Variants in TFAP2D observed in about 807,000 individuals in gnomAD.
TFAP2D encodes the protein transcription factor AP-2 delta, also known as transcription factor AP-2-delta.
Under a neutral mutation model 43.6 loss-of-function variants are expected in TFAP2D, and 9 were observed. That is an observed-to-expected ratio of 0.21 (90% CI 0.12 to 0.36). TFAP2D has a LOEUF of 0.36. Ranked by LOEUF, TFAP2D falls within the 10% of genes least tolerant of loss-of-function variation. TFAP2D has a pLI of 1.00. For synonymous variants in TFAP2D, 256 were observed against 224.9 expected, an observed-to-expected ratio of 1.14 and a Z score of -1.24; for missense variants, 513 against 561.4, an observed-to-expected ratio of 0.91 and a Z score of 0.87.
At chr6:50,754,446 G>T (rs1270011850) in intron 7 of TFAP2D, among the ~76,000 whole-genome samples, 2 of 151,796 alleles carry the variant, frequency 1.3e-5, no homozygotes, top group African/African-American at 4.8e-5. Flanking sequence ...TGACTATCAT[G>T]ACTAGTGCTG....
At chr6:50,758,592 T>C (rs2113890741) in intron 7 of TFAP2D, among the ~76,000 whole-genome samples, 2 of 152,206 alleles carry the variant, frequency 1.3e-5, no homozygotes, top group East Asian at 3.9e-4. Flanking sequence ...TTCTGATTGC[T>C]CTATTCTTGG....
At chr6:50,736,008 A>G (rs1318540999) in intron 5 of TFAP2D, among the ~76,000 whole-genome samples, 1 of 152,130 alleles carries the variant, frequency 6.6e-6, no homozygotes, top group Non-Finnish European at 1.5e-5. Context: ...CATTGCTCTT[A>G]CACAGGTACC....
At chr6:50,739,700 T>C (rs1035818552) in intron 5 of TFAP2D, among the ~76,000 whole-genome samples, 1 of 152,176 alleles carries the variant, frequency 6.6e-6, no homozygotes, top group East Asian at 1.9e-4. Flanking sequence ...CTCTAGTTCT[T>C]CCCTATATTC....
chr6:50,747,609 C>G (rs1036866202), intron 6 of TFAP2D, among the ~76,000 whole-genome samples: 5 of 152,024 alleles, frequency 3.3e-5, no homozygotes, highest in African/African-American at 1.2e-4. Context: ...ATCATCAATG[C>G]AATAAATACA....
Position 50,731,579 on chromosome 6 carries a change from T to G in TFAP2D, c.883+2267T>G, listed in dbSNP as rs559052585. ...AAACCCACTACATTTATTTCACAAC[T>G]CACTGTCGAGTCATGAGTCATGACC... is the stretch of plus-strand genomic sequence containing the variant. On this transcript the variant is annotated intron_variant, in intron 5 of 7. Transcript: ENST00000008391. Among the ~76,000 whole-genome samples the G allele has an allele frequency of 3.3e-5, 5 of 152,228 alleles. 1 individual carries two copies. The South Asian group carries it at 8.3e-4, about 25-fold the overall frequency.
intron 5 of TFAP2D, among the ~76,000 whole-genome samples, chr6:50,733,205 G>C (rs1768917430): frequency 6.6e-6 from 1 of 151,896 alleles, no homozygotes; most frequent in African/African-American, 2.4e-5. Flanking sequence ...GTTTAATTTT[G>C]AATGAGATAG....
chr6:50,760,709 G>C (rs541577178), intron 7 of TFAP2D, among the ~76,000 whole-genome samples: 1 of 152,044 alleles, frequency 6.6e-6, no homozygotes, highest in Non-Finnish European at 1.5e-5. Flanking sequence ...TTAGGCTACA[G>C]AGAATAGATG....
At chr6:50,726,399 T>C (rs144288225) in intron 3 of TFAP2D, among the ~76,000 whole-genome samples, 3 of 152,350 alleles carry the variant, frequency 2.0e-5, no homozygotes, top group African/African-American at 4.8e-5. Flanking sequence ...AAACGCTCTG[T>C]TCTCTCACTT....
intron 7 of TFAP2D, among the ~76,000 whole-genome samples, chr6:50,766,078 G>T (rs934395006): frequency 6.6e-6 from 1 of 152,012 alleles, no homozygotes; most frequent in African/African-American, 2.4e-5. Context: ...TTACTTTTTT[G>T]CATGTGGATA....
intron 6 of TFAP2D, among the ~76,000 whole-genome samples, chr6:50,749,743 A>T (rs1769174688): frequency 6.6e-6 from 1 of 151,878 alleles, no homozygotes; most frequent in Non-Finnish European, 1.5e-5. Flanking sequence ...TGAGTCTCAC[A>T]ACAGAAAATG....
At chr6:50,722,619 T>A (rs1355691178) in intron 3 of TFAP2D, among the ~76,000 whole-genome samples, 1 of 152,008 alleles carries the variant, frequency 6.6e-6, no homozygotes, top group Non-Finnish European at 1.5e-5. Context: ...AAGTGAACAA[T>A]GTTGATGACG....
rs745578964 is a variant in TFAP2D at position 50,719,098 on chromosome 6, G to T, written c.546G>T (p.Val182=). 3.1e-6 allele frequency: 5 copies of T among 1,613,808 alleles called. No homozygotes were observed. Among genetic ancestry groups the T allele is most frequent in the African/African-American group, 2.7e-5 (2 of 74,908 alleles). ...AAGADDLQGS[V]EAQCGLVLNG... Reference sequence around the variant, plus strand: ...CTGTTTCTTTTATTAAGGGCTCTGTGGAGGCCCAGTGTGGGCTTGTTCTCA... The same window carrying T: ...CTGTTTCTTTTATTAAGGGCTCTGTTGAGGCCCAGTGTGGGCTTGTTCTCA... Residue 182 remains valine, a synonymous_variant, in exon 3 of 8, where the codon GTG becomes GTT. Coordinates refer to ENST00000008391, the MANE Select transcript of TFAP2D (RefSeq NM_172238.4).
intron 7 of TFAP2D, among the ~76,000 whole-genome samples, chr6:50,751,611 A>G (rs540762311): frequency 2.0e-4 from 30 of 152,034 alleles, no homozygotes; most frequent in Non-Finnish European, 2.9e-4. Flanking sequence ...TTTCTCCCAC[A>G]TGATGAAAGG....
intron 7 of TFAP2D, among the ~76,000 whole-genome samples, chr6:50,753,851 A>G (rs1769230338): frequency 6.6e-6 from 1 of 151,766 alleles, no homozygotes; most frequent in African/African-American, 2.4e-5. Context: ...TTTTTCTTTA[A>G]TTGTAGTCAA....
In TFAP2D at chr6:50,713,633, T is replaced by C. The variant is rs1307803563; in HGVS notation, c.-423T>C. 1.3e-5 allele frequency among the ~76,000 whole-genome samples: 2 copies of C among 152,152 alleles called. No homozygotes were observed. The highest frequency in any genetic ancestry group is 2.9e-5 in the Non-Finnish European group (2 of 68,016). On this transcript the variant is annotated 5_prime_UTR_variant, in exon 1 of 8. The change abolishes the stop of an existing upstream ORF in the 5' untranslated region. Transcript: ENST00000008391. ...CATGATAAAGGTTGGAAAAAATGGA[T>C]AAAAATGTTGAAAGAACCTCCAGTT...
At chr6:50,724,906 T>C (rs958122930) in intron 3 of TFAP2D, among the ~76,000 whole-genome samples, 14 of 152,004 alleles carry the variant, frequency 9.2e-5, no homozygotes, top group Non-Finnish European at 1.8e-4. Context: ...CGTGCATCCA[T>C]TTCCCATTGC....
At chr6:50,720,003 TG>T (rs1284266848) in intron 3 of TFAP2D, among the ~76,000 whole-genome samples, 1 of 152,230 alleles carries the variant, frequency 6.6e-6, no homozygotes, top group East Asian at 1.9e-4. Context: ...CCTACTTAAC[TG>T]TACCCAAAGC....
chr6:50,749,088 A>G (rs1032200467), intron 6 of TFAP2D, among the ~76,000 whole-genome samples: 8 of 151,862 alleles, frequency 5.3e-5, no homozygotes, highest in African/African-American at 1.9e-4. Context: ...ATAATTGCCT[A>G]CAGGGAATCT....
At chr6:50,714,772 C>A (rs931234834) in intron 1 of TFAP2D, among the ~76,000 whole-genome samples, 6 of 152,018 alleles carry the variant, frequency 3.9e-5, no homozygotes, top group African/African-American at 1.4e-4. Context: ...TGGATCCCAA[C>A]GCCAAGCTCC....
Sources: allele counts gnomAD v4.1 joint callset (sites outside exome capture counted in the v4.1 genomes callset), GRCh38; gene constraint gnomAD v4.1.1; transcripts MANE v1.5; gene names NCBI Gene and HGNC (gene_info 2026-07-23, HGNC 2026-07-21).